The following CSMD1 variants were observed in gnomAD, a reference collection of about 807,000 sequenced individuals.
CSMD1 encodes the protein CUB and sushi domain-containing protein 1.
CSMD1 carries 213 observed loss-of-function variants against 417.5 expected under a neutral mutation model. The observed-to-expected ratio is 0.51, with a 90% CI of 0.46 to 0.57. CSMD1 has a LOEUF of 0.57. Ranked by LOEUF, CSMD1 falls within the 20% of genes least tolerant of loss-of-function variation. The pLI is 0.00. For missense variants in CSMD1, 6,923 were observed against 4,529.7 expected, an observed-to-expected ratio of 1.53 and a Z score of -15.17; for synonymous variants, 2,862 against 1,736.8, an observed-to-expected ratio of 1.65 and a Z score of -16.11.
rs557614893 is a variant in CSMD1, at chr8:3,326,069, T to A, written c.3631+17225A>T. ...TCACCCGGGTGATCACAGACCCTTATTAAACAAATCTCCCATTACAGCCAC... is the reference window on the plus strand; with the variant it reads ...TCACCCGGGTGATCACAGACCCTTAATAAACAAATCTCCCATTACAGCCAC... On this transcript the variant is annotated intron_variant, in intron 23 of 69. Coordinates refer to ENST00000635120, the MANE Select transcript of CSMD1 (RefSeq NM_033225.6). 2.0e-4 allele frequency among the ~76,000 whole-genome samples: 30 copies of A among 152,298 alleles called. 1 individual carries two copies. Among genetic ancestry groups the A allele is most frequent in the Non-Finnish European group, 7.3e-5 (5 of 68,036 alleles).
chr8:3,423,764 G>T (rs961868521), intron 12 of CSMD1, among the ~76,000 whole-genome samples: 2 of 152,188 alleles, frequency 1.3e-5, no homozygotes, highest in Non-Finnish European at 2.9e-5. Context: ...GGGTGGAATT[G>T]TTGGATCACA....
At chr8:4,622,353 C>A (rs986159587) in intron 2 of CSMD1, among the ~76,000 whole-genome samples, 2 of 152,040 alleles carry the variant, frequency 1.3e-5, no homozygotes, top group African/African-American at 2.4e-5. Context: ...GCTCAACACT[C>A]CACACAGTCC....
intron 3 of CSMD1, among the ~76,000 whole-genome samples, chr8:4,110,003 G>C (rs906680145): frequency 1.3e-5 from 2 of 152,116 alleles, no homozygotes; most frequent in African/African-American, 2.4e-5. Context: ...GAATCATCCT[G>C]TGTTAACTAA....
chr8:4,007,136 C>T (rs1447741663), intron 4 of CSMD1, among the ~76,000 whole-genome samples: 4 of 152,034 alleles, frequency 2.6e-5, no homozygotes, highest in Non-Finnish European at 5.9e-5. Flanking sequence ...CCGAGCCTGG[C>T]CACGACTTTT....
chr8:4,863,359 A>T (rs1431922876), intron 1 of CSMD1, among the ~76,000 whole-genome samples: 3 of 152,082 alleles, frequency 2.0e-5, no homozygotes, highest in Admixed American at 6.6e-5. Flanking sequence ...GTCCTTGGCC[A>T]ACATTATTAT....
intron 3 of CSMD1, among the ~76,000 whole-genome samples, chr8:4,136,527 T>A (rs1803445664): frequency 6.6e-6 from 1 of 152,238 alleles, no homozygotes; most frequent in Non-Finnish European, 1.5e-5. Flanking sequence ...GCAAACATGC[T>A]CTTCAATGAC....
intron 51 of CSMD1, among the ~76,000 whole-genome samples, chr8:3,021,658 T>C (rs1229053979): frequency 6.6e-6 from 1 of 151,726 alleles, no homozygotes; most frequent in African/African-American, 2.4e-5. Context: ...GCCTCCGGAA[T>C]GCACCTGCAA....
At chr8:3,944,119 A>C (rs1265787654) in intron 5 of CSMD1, among the ~76,000 whole-genome samples, 1 of 152,174 alleles carries the variant, frequency 6.6e-6, no homozygotes, top group Non-Finnish European at 1.5e-5. Flanking sequence ...TAAAATATTA[A>C]TATTTGGGGA....
At chr8:4,424,951 C>G (rs1797459642) in intron 2 of CSMD1, among the ~76,000 whole-genome samples, 1 of 151,868 alleles carries the variant, frequency 6.6e-6, no homozygotes, top group Admixed American at 6.6e-5. Flanking sequence ...GAGAGGTACT[C>G]AAGAACATAT....
intron 5 of CSMD1, among the ~76,000 whole-genome samples, chr8:3,979,844 A>C (rs1813721869): frequency 6.6e-6 from 1 of 152,240 alleles, no homozygotes; most frequent in Non-Finnish European, 1.5e-5. Context: ...AGAAGTGTCT[A>C]AATTTTCAGA....
chr8:3,114,448 A>AAT (rs970216467), intron 42 of CSMD1, among the ~76,000 whole-genome samples: 21 of 149,476 alleles, frequency 1.4e-4, no homozygotes, highest in African/African-American at 4.4e-4. Context: ...AATATGTTAT[A>AAT]ATATATATAT....
At chr8:4,705,310 A>G (rs2116837600) in intron 1 of CSMD1, among the ~76,000 whole-genome samples, 1 of 152,292 alleles carries the variant, frequency 6.6e-6, no homozygotes, top group Middle Eastern at 3.4e-3. Flanking sequence ...AAAATAACAC[A>G]TAGTTCTATG....
At chr8:4,560,746 C>T (rs906603738) in intron 2 of CSMD1, among the ~76,000 whole-genome samples, 3 of 152,148 alleles carry the variant, frequency 2.0e-5, no homozygotes, top group Admixed American at 6.5e-5. Flanking sequence ...TCCCATCTTT[C>T]CTTCCTCCTA....
rs187733698 is a variant in CSMD1, at chr8:4,798,661, C to G, written c.86-161103G>C. Among the ~76,000 whole-genome samples the G allele has an allele frequency of 3.5e-3, 537 of 152,140 alleles. 13 individuals carry two copies. The highest frequency in any genetic ancestry group is 0.031 in the Admixed American group (473 of 15,286). On this transcript the variant is annotated intron_variant, in intron 1 of 69. Coordinates refer to ENST00000635120, the MANE Select transcript of CSMD1 (RefSeq NM_033225.6). ...GTCAATTCTTTCAAGAAAACTATAC[C>G]AGTCTTCCACCATACACCAAACTAA... is the stretch of plus-strand genomic sequence containing the variant.
intron 1 of CSMD1, among the ~76,000 whole-genome samples, chr8:4,951,529 GAGAAAAGAAA>G (rs551688936): frequency 6.9e-6 from 1 of 144,676 alleles, no homozygotes; most frequent in African/African-American, 2.5e-5. Context: ...AGGGGAGAAA[GAGAAAAGAAA>G]AGAAAAGAAA....
At chr8:3,887,322 T>A (rs1806633870) in intron 5 of CSMD1, among the ~76,000 whole-genome samples, 1 of 152,166 alleles carries the variant, frequency 6.6e-6, no homozygotes, top group South Asian at 2.1e-4. Flanking sequence ...GGTGATAGTT[T>A]CTGAGACGTT....
At chr8:2,959,178 TCATTG>T (rs1236217530) in intron 62 of CSMD1, among the ~76,000 whole-genome samples, 2 of 152,218 alleles carry the variant, frequency 1.3e-5, no homozygotes, top group Non-Finnish European at 2.9e-5. Flanking sequence ...CAATCATAGC[TCATTG>T]CATCCTTGAC....
At chr8:3,673,847 G>A (rs190172081) in intron 7 of CSMD1, among the ~76,000 whole-genome samples, 31 of 152,290 alleles carry the variant, frequency 2.0e-4, no homozygotes, top group African/African-American at 7.5e-4. Context: ...GCCAGGCATG[G>A]TGGCTCACCC....
At chr8:3,712,387 A>C in intron 6 of CSMD1, among the ~76,000 whole-genome samples, 1 of 42,794 alleles carries the variant, frequency 2.3e-5, no homozygotes, top group South Asian at 1.2e-3. Flanking sequence ...AGAGAGAGAG[A>C]GAGAGAGAGA....
Sources: gnomAD v4.1 joint callset for allele counts (sites outside exome capture counted in the v4.1 genomes callset) on GRCh38, gnomAD v4.1.1 for gene constraint, MANE v1.5 for transcripts, NCBI Gene and HGNC (gene_info 2026-07-23, HGNC 2026-07-21) for gene names.